The following AJAP1 variants were observed in gnomAD, a reference collection of about 807,000 sequenced individuals.
AJAP1 encodes adherens junctions associated protein 1.
In AJAP1, 5 loss-of-function variants were observed where a neutral mutation model predicts 35.0. The observed-to-expected ratio is 0.14, with a 90% CI of 0.07 to 0.30. The LOEUF is 0.30. Among genes scored for constraint, AJAP1 ranks in the 10% least tolerant of loss-of-function variants. AJAP1 has a pLI of 1.00. For synonymous variants in AJAP1, 284 were observed against 249.3 expected (o/e 1.14, Z -1.31); for missense variants, 586 against 571.0 (o/e 1.03, Z -0.27).
intron 1 of AJAP1, among the ~76,000 whole-genome samples, chr1:4,679,721 C>T (rs1204184226): frequency 6.6e-6 from 1 of 152,040 alleles, no homozygotes; most frequent in African/African-American, 2.4e-5. Flanking sequence ...TTCACATGGC[C>T]TTCTCCCATC....
rs373570588 is a variant in AJAP1, at chr1:4,711,890, C to T, written c.30-10C>T. 3.7e-5 allele frequency: 55 copies of T among 1,473,720 alleles called. No individual in the cohort carries two copies. In the African/African-American group the frequency reaches 5.7e-4, roughly 15 times the overall value. 91.3% of individuals were successfully genotyped at this position (1,473,720 alleles called of 1,614,324 possible). A position where few individuals can be genotyped will look rare whatever the true frequency, so the allele number is the denominator to read the frequency against. ...ACTGACCGCTCTTCTCTCCTTTCCC[C>T]CCCGCACAGCTCCATGTCCATCCGC... is the stretch of plus-strand genomic sequence containing the variant. On this transcript the variant is annotated splice_polypyrimidine_tract_variant and intron_variant, in intron 1 of 5. Transcript: ENST00000378191.
At chr1:4,673,737 CCTGGCTCTGGCT>C (rs1639296514) in intron 1 of AJAP1, among the ~76,000 whole-genome samples, 1 of 152,132 alleles carries the variant, frequency 6.6e-6, no homozygotes, top group African/African-American at 2.4e-5. Flanking sequence ...GAGGGCGAGT[CCTGGCTCTGGCT>C]CTGGCTTGGT....
At position 4,712,049 on chromosome 1, in the gene AJAP1, C is replaced by T. The variant is rs753991951; in HGVS notation, c.179C>T (p.Pro60Leu). 3.1e-6 allele frequency: 5 copies of T among 1,588,116 alleles called. No homozygotes were observed. Among genetic ancestry groups the T allele is most frequent in the African/African-American group, 1.4e-5 (1 of 72,418 alleles). The change falls in exon 2 of 6, where the codon CCG (proline) becomes CTG (leucine). Residue 60 changes from proline to leucine, a missense_variant. Pro to Leu is a moderately conservative substitution (Grantham distance 98). Transcript: ENST00000378191. Reference protein sequence around the residue: ...FWLLPRSPPRPPRLWSFRSGQ... With the variant: ...FWLLPRSPPRLPRLWSFRSGQ... Reference sequence around the variant, plus strand: ...CTCCTGCCGCGGTCGCCGCCCCGGCCGCCCCGGCTGTGGAGTTTTAGGAGT... The same window carrying T: ...CTCCTGCCGCGGTCGCCGCCCCGGCTGCCCCGGCTGTGGAGTTTTAGGAGT...
intron 2 of AJAP1, among the ~76,000 whole-genome samples, chr1:4,752,189 A>AGAGGAGGAGGGAGAG (rs1557639839): frequency 6.9e-6 from 1 of 145,160 alleles, no homozygotes; most frequent in Non-Finnish European, 1.5e-5. Context: ...GGGAGGAGAG[A>AGAGGAGGAGGGAGAG]GAGGAGGAGG....
At chr1:4,682,801 GATA>G (rs759045381) in intron 1 of AJAP1, among the ~76,000 whole-genome samples, 4 of 152,112 alleles carry the variant, frequency 2.6e-5, no homozygotes, top group Non-Finnish European at 5.9e-5. Context: ...TGGTAATGAT[GATA>G]ATGATGATAG....
intron 2 of AJAP1, among the ~76,000 whole-genome samples, chr1:4,760,053 T>G (rs1641528490): frequency 6.6e-6 from 1 of 152,186 alleles, no homozygotes; most frequent in African/African-American, 2.4e-5. Flanking sequence ...TTGTGGAACT[T>G]CTCAAATGAT....
chr1:4,725,896 A>AT (rs1386558834), intron 2 of AJAP1, among the ~76,000 whole-genome samples: 2 of 152,318 alleles, frequency 1.3e-5, no homozygotes, highest in East Asian at 3.9e-4. Flanking sequence ...TAATGACCTC[A>AT]TTTAACTTTA....
intron 2 of AJAP1, among the ~76,000 whole-genome samples, chr1:4,726,812 G>C (rs1336080142): frequency 6.6e-6 from 1 of 152,090 alleles, no homozygotes; most frequent in Admixed American, 6.5e-5. Flanking sequence ...TGCTGAGCTC[G>C]GGCCTGGTCT....
chr1:4,775,090 A>G (rs1392523345), intron 5 of AJAP1, among the ~76,000 whole-genome samples: 4 of 152,232 alleles, frequency 2.6e-5, no homozygotes, highest in Admixed American at 6.5e-5. Context: ...GAGTTGAGAC[A>G]TCTACTAATT....
chr1:4,682,605 C>T (rs115416385), intron 1 of AJAP1, among the ~76,000 whole-genome samples: 4,089 of 152,180 alleles, frequency 0.027, 113 homozygotes, highest in East Asian at 0.072. Context: ...CTGTATCCTC[C>T]CTCCAACCCC....
intron 1 of AJAP1, among the ~76,000 whole-genome samples, chr1:4,666,813 G>A (rs1639136600): frequency 6.7e-6 from 1 of 149,660 alleles, no homozygotes; most frequent in Non-Finnish European, 1.5e-5. Context: ...TTGCGGAGAG[G>A]GGCCCATGAA....
At chr1:4,700,095 G>T (rs1374989327) in intron 1 of AJAP1, among the ~76,000 whole-genome samples, 1 of 152,200 alleles carries the variant, frequency 6.6e-6, no homozygotes, top group East Asian at 1.9e-4. Context: ...TCTGGCTGAG[G>T]CCCCGAGCTC....
chr1:4,720,237 C>T lies in AJAP1; in HGVS notation c.829+7538C>T, dbSNP rs1425250937. The stretch of plus-strand genomic sequence containing the variant: ...CGTGGTTAGACATGAAGACAGGCTT[C>T]GGGTCCCCGCTTTCGATGTGGTTCA... On this transcript the variant is annotated intron_variant, in intron 2 of 5. Coordinates refer to ENST00000378191, the MANE Select transcript of AJAP1 (RefSeq NM_018836.4). This position sits in a 1 kb window ranked among gnomAD's most constrained non-coding sequence, Gnocchi z 4.4. 1.3e-5 allele frequency among the ~76,000 whole-genome samples: 2 copies of T among 152,160 alleles called. No individual in the cohort carries two copies. Among genetic ancestry groups the T allele is most frequent in the Admixed American group, 6.5e-5 (1 of 15,280 alleles).
rs1379252911 is a variant in AJAP1, at chr1:4,783,080, A to T, written c.*595A>T. Reference sequence around the variant, plus strand: ...TTTTGTACTGTAGCAATTTTTGAAGATCTTAAATGTTCCTTTTTAAAAAAA... The same window carrying T: ...TTTTGTACTGTAGCAATTTTTGAAGTTCTTAAATGTTCCTTTTTAAAAAAA... On this transcript the variant is annotated 3_prime_UTR_variant, in exon 6 of 6. Transcript: ENST00000378191. 5.4e-6 allele frequency: 2 copies of T among 372,946 alleles called. No homozygotes were observed. Among genetic ancestry groups the T allele is most frequent in the Non-Finnish European group, 9.4e-6 (2 of 212,118 alleles). The allele number at this position is 372,946 out of a possible 1,614,324, so 23.1% of individuals were successfully genotyped here. A position where few individuals can be genotyped will look rare whatever the true frequency, so the allele number is the denominator to read the frequency against.
rs566504703 is a variant in AJAP1 at position 4,772,378 on chromosome 1, G to A, written c.1016G>A (p.Arg339Gln). 1.4e-5 allele frequency: 22 copies of A among 1,614,242 alleles called. No individual in the cohort carries two copies. The highest frequency in any genetic ancestry group is 3.3e-5 in the South Asian group (3 of 91,092). The stretch of plus-strand genomic sequence containing the variant: ...AACCTCACGGACTTCCCCTCGGCCC[G>A]GGTGCCCAGCAGCCTGGACATATTC... ...CQNLTDFPSA[R>Q]VPSSLDIFTA... The change falls in exon 4 of 6, where the codon CGG becomes CAG. Residue 339 changes from arginine to glutamine, a missense_variant. Coordinates refer to ENST00000378191, the MANE Select transcript of AJAP1 (RefSeq NM_018836.4).
intron 1 of AJAP1, among the ~76,000 whole-genome samples, chr1:4,676,895 G>C (rs541921245): frequency 1.4e-4 from 21 of 152,342 alleles, no homozygotes; most frequent in African/African-American, 5.1e-4. Flanking sequence ...CGTGGCTCAC[G>C]CCTGTAATCC....
chr1:4,656,360 C>T lies in AJAP1; in HGVS notation c.29+906C>T, dbSNP rs1364541558. On this transcript the variant is annotated intron_variant, in intron 1 of 5. Transcript: ENST00000378191. This position sits in a 1 kb window ranked among gnomAD's most constrained non-coding sequence, Gnocchi z 5.7. ...TGCCTCTGAGCCCTCGCCCTCCTGC[C>T]GGGGCATTCACCGAGCTCGTGCATT... Among the ~76,000 whole-genome samples the T allele has an allele frequency of 1.3e-5, 2 of 152,190 alleles. No homozygotes were observed. Among genetic ancestry groups the T allele is most frequent in the African/African-American group, 4.8e-5 (2 of 41,452 alleles).
chr1:4,684,491 TGG>T (rs1251350345), intron 1 of AJAP1, among the ~76,000 whole-genome samples: 2 of 152,070 alleles, frequency 1.3e-5, no homozygotes, highest in Non-Finnish European at 2.9e-5. Flanking sequence ...CCTGGCCACC[TGG>T]GGGAGGGGAA....
chr1:4,684,087 G>A (rs1483272883), intron 1 of AJAP1, among the ~76,000 whole-genome samples: 1 of 152,188 alleles, frequency 6.6e-6, no homozygotes, highest in Non-Finnish European at 1.5e-5. Context: ...GATCCTCTGG[G>A]TTGGTGCATC....
Sources: allele counts gnomAD v4.1 joint callset (sites outside exome capture counted in the v4.1 genomes callset), GRCh38; gene constraint gnomAD v4.1.1; non-coding constraint Gnocchi (gnomAD v3.1); transcripts MANE v1.5; gene names NCBI Gene and HGNC (gene_info 2026-07-23, HGNC 2026-07-21).